The following GJB7 variants were observed in gnomAD, a reference collection of about 807,000 sequenced individuals.
The protein encoded by GJB7 is gap junction beta-7 protein.
For missense variants in GJB7, 253 were observed against 256.8 expected (o/e 0.99, Z 0.10); for synonymous variants, 87 against 95.2 (o/e 0.91, Z 0.50).
intron 2 of GJB7, chr6:87,322,594 G>T (rs1476133429): frequency 6.6e-6 from 1 of 152,362 alleles, no homozygotes. Flanking sequence ...AAGCGGGGCG[G>T]GGCGTCTCGG....
chr6:87,321,499 C>T (rs77793222), intron 2 of GJB7, among the ~76,000 whole-genome samples: 9 of 152,024 alleles, frequency 5.9e-5, no homozygotes, highest in Non-Finnish European at 1.2e-4. Flanking sequence ...TAACCTCCAA[C>T]GGGAGGAAGG....
At position 87,284,121 on chromosome 6, in the gene GJB7, T is replaced by G. The variant is rs1267602289; in HGVS notation, c.*120A>C. 14 of 786,210 alleles carry G rather than the reference T, an allele frequency of 1.8e-5. No individual in the cohort carries two copies. The highest frequency in any genetic ancestry group is 2.7e-5 in the Non-Finnish European group (13 of 486,126). The allele number at this position is 786,210 out of a possible 1,614,324, so 48.7% of individuals were successfully genotyped here. On this transcript the variant is annotated 3_prime_UTR_variant, in exon 3 of 3. Transcript: ENST00000525899. The stretch of plus-strand genomic sequence containing the variant: ...AGGTTTTCTTTGTTTAACCCTCTTG[T>G]GTGTCACAGAGTAGCTTTGCTTCAG...
intron 2 of GJB7, among the ~76,000 whole-genome samples, chr6:87,294,651 G>C (rs1344757962): frequency 6.6e-6 from 1 of 152,196 alleles, no homozygotes; most frequent in African/African-American, 2.4e-5. Context: ...ACTGTGTTTT[G>C]TTCTGGCCTG....
chr6:87,316,830 T>C (rs921089502), intron 2 of GJB7, among the ~76,000 whole-genome samples: 1 of 152,188 alleles, frequency 6.6e-6, no homozygotes, highest in African/African-American at 2.4e-5. Flanking sequence ...ATCCATTCTT[T>C]AGCAATAAGA....
chr6:87,321,226 C>CAAAAAA, intron 2 of GJB7, among the ~76,000 whole-genome samples: 1 of 101,388 alleles, frequency 9.9e-6, no homozygotes. Context: ...CACTCCATCT[C>CAAAAAA]AAAAAAAAAA....
intron 2 of GJB7, among the ~76,000 whole-genome samples, chr6:87,295,077 A>T (rs1232377330): frequency 1.3e-5 from 2 of 152,152 alleles, no homozygotes; most frequent in African/African-American, 4.8e-5. Flanking sequence ...TTATCTTTGT[A>T]AGCAACACTG....
intron 2 of GJB7, among the ~76,000 whole-genome samples, chr6:87,310,478 A>G (rs547579327): frequency 2.0e-5 from 3 of 152,278 alleles, no homozygotes; most frequent in East Asian, 1.9e-4. Flanking sequence ...CAGAATTCAT[A>G]AAAATTAATA....
intron 2 of GJB7, among the ~76,000 whole-genome samples, chr6:87,303,397 C>T (rs1776366818): frequency 6.6e-6 from 1 of 152,122 alleles, no homozygotes; most frequent in South Asian, 2.1e-4. Context: ...ATAAAACAGA[C>T]TTTAAACCAA....
intron 1 of GJB7, 114 bp downstream of exon 1, chr6:87,329,024 G>A (rs958063582): frequency 3.9e-5 from 6 of 152,978 alleles, no homozygotes; most frequent in Admixed American, 1.3e-4. Flanking sequence ...TCCATGTGCC[G>A]TCTGTCACCC....
At chr6:87,310,036 T>C (rs764964460) in intron 2 of GJB7, among the ~76,000 whole-genome samples, 11 of 152,188 alleles carry the variant, frequency 7.2e-5, no homozygotes, top group Admixed American at 1.3e-4. Flanking sequence ...TTTATGGTGA[T>C]GCTGCAGTGT....
intron 2 of GJB7, among the ~76,000 whole-genome samples, chr6:87,307,978 A>G (rs1351185138): frequency 1.3e-5 from 2 of 152,218 alleles, no homozygotes; most frequent in Non-Finnish European, 2.9e-5. Context: ...AACCAACCCA[A>G]ATGTCCTTCA....
intron 2 of GJB7, among the ~76,000 whole-genome samples, chr6:87,290,625 T>C (rs1447176256): frequency 1.3e-5 from 2 of 152,204 alleles, no homozygotes; most frequent in Admixed American, 1.3e-4. Flanking sequence ...CCAGCTCATA[T>C]TTAAGGACTG....
At chr6:87,294,215 T>A (rs185239884) in intron 2 of GJB7, among the ~76,000 whole-genome samples, 78 of 152,338 alleles carry the variant, frequency 5.1e-4, no homozygotes, top group Admixed American at 3.7e-3. Flanking sequence ...CTGCCCCTTT[T>A]GGATTTCAAT....
At chr6:87,300,906 AT>A (rs1379075780) in intron 2 of GJB7, among the ~76,000 whole-genome samples, 10 of 152,274 alleles carry the variant, frequency 6.6e-5, no homozygotes, top group Non-Finnish European at 5.9e-5. Context: ...AGCTAAAAAA[AT>A]AAACAGACTG....
intron 2 of GJB7, among the ~76,000 whole-genome samples, chr6:87,307,184 TA>T (rs1554213741): frequency 1.0e-4 from 15 of 144,492 alleles, no homozygotes; most frequent in East Asian, 8.1e-4. Flanking sequence ...TAATAAAATT[TA>T]AAAAAAAATT....
At chr6:87,299,231 G>T in intron 2 of GJB7, 1 of 455,810 alleles carries the variant, frequency 2.2e-6, no homozygotes, top group South Asian at 1.7e-5. Context: ...GAAGCTGTCT[G>T]AACCATGACA....
At chr6:87,307,326 A>T (rs1165158400) in intron 2 of GJB7, among the ~76,000 whole-genome samples, 2 of 152,138 alleles carry the variant, frequency 1.3e-5, no homozygotes, top group African/African-American at 4.8e-5. Flanking sequence ...CAAGGACTTC[A>T]TGTCTAAAAC....
intron 2 of GJB7, among the ~76,000 whole-genome samples, chr6:87,291,551 G>A (rs145286684): frequency 3.3e-5 from 5 of 152,194 alleles, no homozygotes; most frequent in African/African-American, 7.2e-5. Context: ...GTTCCCCCTC[G>A]TCCTGCTCAT....
chr6:87,327,213 CTT>C lies in GJB7; in HGVS notation c.-206+1923_-206+1924del, dbSNP rs1210172082. Among the ~76,000 whole-genome samples, 42 of 147,864 alleles carry C rather than the reference CTT, an allele frequency of 2.8e-4. No homozygotes were observed. The South Asian group carries it at 8.2e-3, about 29-fold the overall frequency. On this transcript the variant is annotated intron_variant, in intron 1 of 2. Coordinates refer to ENST00000525899, the MANE Select transcript of GJB7 (RefSeq NM_198568.3). ...TACAGCACACTGATGGGTCTTGACT[CTT>C]TATCCAATTTGCCAGTCTGTGTCTT...
Sources: allele counts gnomAD v4.1 joint callset (sites outside exome capture counted in the v4.1 genomes callset), GRCh38; gene constraint gnomAD v4.1.1; transcripts MANE v1.5; gene names NCBI Gene and HGNC (gene_info 2026-07-23, HGNC 2026-07-21).